PALLD: variants seen among roughly 807,000 people sequenced by gnomAD.
The protein encoded by PALLD is palladin, cytoskeletal associated protein, also known as palladin.
Under a neutral mutation model 123.5 loss-of-function variants are expected in PALLD, and 61 were observed. That is an observed-to-expected ratio of 0.49 (90% confidence interval 0.40 to 0.61). The LOEUF (loss-of-function observed/expected upper bound fraction) is 0.61. PALLD is among the 20% of genes least tolerant of loss of function. The probability of loss-of-function intolerance (pLI) is 0.00; values close to 1 mark genes in which losing one functional copy is unlikely to be tolerated. For synonymous variants in PALLD, 465 were observed against 496.4 expected (o/e 0.94, Z 0.84); for missense variants, 1,273 against 1,377.0 (o/e 0.92, Z 1.20).
At chr4:168,527,347 G>A (rs946899394) in intron 2 of PALLD, among the ~76,000 whole-genome samples, 6 of 148,652 alleles carry the variant, frequency 4.0e-5, no homozygotes, top group African/African-American at 1.2e-4. Context: ...GCTTTAACCC[G>A]GGAGGCAGAG....
At chr4:168,505,012 T>G (rs951670149) in intron 1 of PALLD, 5 of 152,204 alleles carry the variant, frequency 3.3e-5, no homozygotes, top group Admixed American at 2.6e-4. Flanking sequence ...TGGAGATGTT[T>G]GTGATTGTGT....
chr4:168,846,977 C>A (rs1049848514), intron 10 of PALLD, among the ~76,000 whole-genome samples: 1 of 152,144 alleles, frequency 6.6e-6, no homozygotes, highest in Admixed American at 6.6e-5. Flanking sequence ...AAAGAAAAGG[C>A]CTGAAATTAG....
At chr4:168,662,689 A>G (rs1779238333) in intron 2 of PALLD, among the ~76,000 whole-genome samples, 1 of 152,244 alleles carries the variant, frequency 6.6e-6, no homozygotes, top group African/African-American at 2.4e-5. Context: ...CAAGAGGTCA[A>G]AATTTAACCA....
At chr4:168,566,721 G>A (rs919515944) in intron 2 of PALLD, among the ~76,000 whole-genome samples, 3 of 152,132 alleles carry the variant, frequency 2.0e-5, no homozygotes, top group Non-Finnish European at 4.4e-5. Context: ...CTACAGTGGC[G>A]TGAGGATTAC....
At chr4:168,868,919 C>A (rs1750706612) in intron 10 of PALLD, among the ~76,000 whole-genome samples, 1 of 152,166 alleles carries the variant, frequency 6.6e-6, no homozygotes, top group Non-Finnish European at 1.5e-5. Context: ...ATCCCCAAGG[C>A]ACTTCTCTTC....
intron 1 of PALLD, among the ~76,000 whole-genome samples, chr4:168,502,365 G>A (rs1430809697): frequency 6.6e-6 from 1 of 152,180 alleles, no homozygotes; most frequent in East Asian, 1.9e-4. Flanking sequence ...AGGGTAATGA[G>A]AAAGACTGAC....
At chr4:168,925,473 T>A (rs969237824) in intron 21 of PALLD, 195 bp downstream of exon 21, 16 of 602,068 alleles carry the variant, frequency 2.7e-5, no homozygotes, top group Non-Finnish European at 4.8e-5. Flanking sequence ...CTATATTCTA[T>A]CGCAGTGTCC....
intron 1 of PALLD, among the ~76,000 whole-genome samples, chr4:168,497,673 G>A (rs549496351): frequency 6.6e-6 from 1 of 152,294 alleles, no homozygotes; most frequent in African/African-American, 2.4e-5. Flanking sequence ...GATTCTAAAA[G>A]TAACTCACTG....
intron 2 of PALLD, among the ~76,000 whole-genome samples, chr4:168,666,356 G>T (rs113761836): frequency 2.0e-5 from 3 of 152,288 alleles, no homozygotes; most frequent in African/African-American, 7.2e-5. Flanking sequence ...TTTAGCAGGC[G>T]TTATTTTTTC....
At chr4:168,765,705 TCATCTGCTGCTCAGTG>T (rs544078506) in intron 10 of PALLD, among the ~76,000 whole-genome samples, 13 of 152,266 alleles carry the variant, frequency 8.5e-5, no homozygotes, top group Non-Finnish European at 1.5e-4. Flanking sequence ...AATGAATTTG[TCATCTGCTGCTCAGTG>T]GTAATGAGGG....
chr4:168,807,532 C>T (rs977855118), intron 10 of PALLD, among the ~76,000 whole-genome samples: 1 of 152,016 alleles, frequency 6.6e-6, no homozygotes, highest in Non-Finnish European at 1.5e-5. Context: ...GCCTCGGCCT[C>T]CTGAATAGCT....
At chr4:168,769,854 G>A (rs1421036235) in intron 10 of PALLD, among the ~76,000 whole-genome samples, 2 of 152,142 alleles carry the variant, frequency 1.3e-5, no homozygotes, top group Non-Finnish European at 2.9e-5. Context: ...GTAAAATCTT[G>A]CTGGTTTTTA....
chr4:168,832,054 G>A, intron 10 of PALLD: 1 of 985,420 alleles, frequency 1.0e-6, no homozygotes, highest in Non-Finnish European at 1.2e-6. Flanking sequence ...GAGTCACCCG[G>A]CGGGCGAGGT....
chr4:168,501,792 G>A (rs111249591), intron 1 of PALLD, among the ~76,000 whole-genome samples: 7 of 152,070 alleles, frequency 4.6e-5, no homozygotes, highest in African/African-American at 7.2e-5. Flanking sequence ...CACCCTCCCC[G>A]CCAAGGGTGT....
chr4:168,639,071 C>A (rs13127007), intron 2 of PALLD, among the ~76,000 whole-genome samples: 1 of 152,128 alleles, frequency 6.6e-6, no homozygotes, highest in Non-Finnish European at 1.5e-5. Flanking sequence ...ATGACATTAG[C>A]CCATCAAGCC....
chr4:168,923,274 T>G (rs1393097729), intron 18 of PALLD, among the ~76,000 whole-genome samples: 1 of 152,216 alleles, frequency 6.6e-6, no homozygotes, highest in Non-Finnish European at 1.5e-5. Context: ...ACCTTCTAAC[T>G]AACTCGTGGT....
At chr4:168,775,195 T>G (rs1418888958) in intron 10 of PALLD, among the ~76,000 whole-genome samples, 1 of 152,216 alleles carries the variant, frequency 6.6e-6, no homozygotes, top group Admixed American at 6.5e-5. Context: ...CACATCCTAG[T>G]CTGCACATGG....
At chr4:168,554,051 G>A (rs1420127120) in intron 2 of PALLD, among the ~76,000 whole-genome samples, 1 of 152,176 alleles carries the variant, frequency 6.6e-6, no homozygotes, top group Non-Finnish European at 1.5e-5. Context: ...CCCCACTGAG[G>A]CCAGCGCAGT....
At chr4:168,583,992 T>A (rs1355818642) in intron 2 of PALLD, among the ~76,000 whole-genome samples, 5 of 152,112 alleles carry the variant, frequency 3.3e-5, no homozygotes, top group Non-Finnish European at 5.9e-5. Flanking sequence ...TTCTCATCTC[T>A]GAAATAAGGA....
Sources: allele counts gnomAD v4.1 joint callset (sites outside exome capture counted in the v4.1 genomes callset), GRCh38; gene constraint gnomAD v4.1.1; transcripts MANE v1.5; gene names NCBI Gene and HGNC (gene_info 2026-07-23, HGNC 2026-07-21).